Variants in SLC24A2 observed in about 807,000 individuals in gnomAD.
SLC24A2 encodes solute carrier family 24 member 2, also known as sodium/potassium/calcium exchanger 2.
SLC24A2 carries 36 observed loss-of-function variants against 62.0 expected under a neutral mutation model. The observed-to-expected ratio is 0.58, with a 90% confidence interval of 0.44 to 0.77. The LOEUF is 0.77. SLC24A2 is among the 30% of genes least tolerant of loss of function. The probability of loss-of-function intolerance (pLI) is 0.00; values close to 1 mark genes in which losing one functional copy is unlikely to be tolerated. For missense variants in SLC24A2, 846 were observed against 817.9 expected (o/e 1.03, Z -0.42); for synonymous variants, 358 against 294.0 (o/e 1.22, Z -2.23).
intron 2 of SLC24A2, among the ~76,000 whole-genome samples, chr9:19,768,594 T>C (rs1822588500): frequency 3.9e-5 from 6 of 152,192 alleles, no homozygotes; most frequent in Admixed American, 3.9e-4. Context: ...ACAGCGTGGA[T>C]ACCCTAGACA....
chr9:19,804,470 T>C, the SLC24A2 span, among the ~76,000 whole-genome samples: 3 of 152,162 alleles, frequency 2.0e-5, no homozygotes, highest in African/African-American at 7.2e-5. Context: ...TGCTAGTATA[T>C]AGAAATATAA....
chr9:20,270,419 C>T, the SLC24A2 span, among the ~76,000 whole-genome samples: 2 of 152,174 alleles, frequency 1.3e-5, no homozygotes, highest in Non-Finnish European at 2.9e-5. Flanking sequence ...TTAGTCATAA[C>T]TATTCATGAC....
chr9:19,837,874 C>G, the SLC24A2 span, among the ~76,000 whole-genome samples: 2 of 151,862 alleles, frequency 1.3e-5, no homozygotes, highest in Non-Finnish European at 2.9e-5. Context: ...ACGTGAAGGA[C>G]CTCTTCAAGG....
At chr9:20,299,648 C>T in the SLC24A2 span, among the ~76,000 whole-genome samples, 3 of 152,192 alleles carry the variant, frequency 2.0e-5, no homozygotes, top group Non-Finnish European at 4.4e-5. Flanking sequence ...GACTCAAGGA[C>T]AATCCTCTCC....
intron 2 of SLC24A2, among the ~76,000 whole-genome samples, chr9:19,638,788 AT>A (rs1587077165): frequency 2.8e-4 from 3 of 10,544 alleles, no homozygotes; most frequent in East Asian, 8.1e-3. Flanking sequence ...ATAAGATGAC[AT>A]TAAATAAGAT....
At chr9:20,119,644 A>G in the SLC24A2 span, among the ~76,000 whole-genome samples, 1 of 152,320 alleles carries the variant, frequency 6.6e-6, no homozygotes, top group East Asian at 1.9e-4. Context: ...GCCTACAGCT[A>G]ATATCCTAAT....
upstream of SLC24A2, among the ~76,000 whole-genome samples, chr9:19,790,342 A>G (rs1227524928): frequency 6.6e-6 from 1 of 152,182 alleles, no homozygotes; most frequent in East Asian, 1.9e-4. Context: ...GAACTCATGG[A>G]CAGTCATATT....
the SLC24A2 span, among the ~76,000 whole-genome samples, chr9:20,067,662 T>G: frequency 6.6e-6 from 1 of 152,164 alleles, no homozygotes. Context: ...CTGCATTAAT[T>G]CGGTCAGGTT....
chr9:19,930,276 T>C, the SLC24A2 span, among the ~76,000 whole-genome samples: 1 of 152,188 alleles, frequency 6.6e-6, no homozygotes, highest in East Asian at 1.9e-4. Context: ...AAATCTTCTA[T>C]AGCATATATT....
chr9:20,044,714 T>C, the SLC24A2 span, among the ~76,000 whole-genome samples: 3 of 152,244 alleles, frequency 2.0e-5, no homozygotes, highest in African/African-American at 4.8e-5. Context: ...ATTGTTATTT[T>C]CTGCTACAGT....
intron 7 of SLC24A2, among the ~76,000 whole-genome samples, chr9:19,554,332 A>G (rs535749486): frequency 3.9e-5 from 6 of 152,342 alleles, no homozygotes; most frequent in Non-Finnish European, 8.8e-5. Flanking sequence ...ACAGTGTAAC[A>G]ACTATTTACA....
At position 19,653,928 on chromosome 9, in the gene SLC24A2, C is replaced by T. The variant is rs150781099; in HGVS notation, c.931-31629G>A. Among the ~76,000 whole-genome samples, 184 of 152,212 alleles carry T rather than the reference C, an allele frequency of 1.2e-3. 1 individual carries two copies. Among genetic ancestry groups the T allele is most frequent in the African/African-American group, 4.2e-3 (176 of 41,522 alleles). ...CTATGTGTCTGACTTTTAAAAATTG[C>T]CTTATTAAGGCAAAATTTACATACG... On this transcript the variant is annotated intron_variant, in intron 2 of 10. Coordinates refer to ENST00000341998, the MANE Select transcript of SLC24A2 (RefSeq NM_020344.4).
chr9:20,280,684 C>G, the SLC24A2 span, among the ~76,000 whole-genome samples: 1 of 152,238 alleles, frequency 6.6e-6, no homozygotes, highest in South Asian at 2.1e-4. Context: ...ATCCTAAACA[C>G]CAGAGGCTAT....
chr9:19,934,561 C>G, the SLC24A2 span, among the ~76,000 whole-genome samples: 1 of 152,212 alleles, frequency 6.6e-6, no homozygotes, highest in Non-Finnish European at 1.5e-5. The surrounding 1 kb of genome is among the most constrained non-coding windows in gnomAD (Gnocchi z 4.1). Context: ...GCTCCGGAGC[C>G]TCCTGCGCTG....
chr9:19,964,290 A>C, the SLC24A2 span, among the ~76,000 whole-genome samples: 1 of 151,616 alleles, frequency 6.6e-6, no homozygotes, highest in Non-Finnish European at 1.5e-5. Flanking sequence ...TAATGGGTGC[A>C]GCACACCAGC....
the SLC24A2 span, among the ~76,000 whole-genome samples, chr9:20,151,329 C>T: frequency 1.3e-5 from 2 of 151,882 alleles, no homozygotes. Flanking sequence ...CCCTTTCAGC[C>T]TTACCATCCC....
chr9:19,851,783 A>G, the SLC24A2 span, among the ~76,000 whole-genome samples: 2 of 152,224 alleles, frequency 1.3e-5, no homozygotes, highest in Non-Finnish European at 2.9e-5. Context: ...TAGTGTTGCA[A>G]TGAACATACA....
At chr9:20,138,421 G>T in the SLC24A2 span, among the ~76,000 whole-genome samples, 758 of 152,222 alleles carry the variant, frequency 5.0e-3, 13 homozygotes, top group South Asian at 0.057. Context: ...TACTTTTCTA[G>T]AAACTAGTTT....
At chr9:19,665,838 A>C (rs1819236766) in intron 2 of SLC24A2, among the ~76,000 whole-genome samples, 1 of 151,992 alleles carries the variant, frequency 6.6e-6, no homozygotes. Flanking sequence ...ATATATGTAG[A>C]CACAGGGTTT....
Sources: allele counts gnomAD v4.1 joint callset (sites outside exome capture counted in the v4.1 genomes callset), GRCh38; gene constraint gnomAD v4.1.1; non-coding constraint Gnocchi (gnomAD v3.1); transcripts MANE v1.5; gene names NCBI Gene and HGNC (gene_info 2026-07-23, HGNC 2026-07-21).